WASF2: variants seen among roughly 807,000 people sequenced by gnomAD.
The protein encoded by WASF2 is WASP family member 2, also known as actin-binding protein WASF2.
Under a neutral mutation model 45.0 loss-of-function variants are expected in WASF2, and 14 were observed. That is an observed-to-expected ratio of 0.31 (90% CI 0.21 to 0.49). The LOEUF (loss-of-function observed/expected upper bound fraction) is 0.49. WASF2 is among the 20% of genes least tolerant of loss of function. WASF2 has a pLI of 0.99. For missense variants in WASF2, 439 were observed against 636.1 expected (o/e 0.69, Z 3.33); for synonymous variants, 200 against 236.3 (o/e 0.85, Z 1.41).
At chr1:27,441,528 C>T (rs955469657) in intron 1 of WASF2, among the ~76,000 whole-genome samples, 10 of 151,344 alleles carry the variant, frequency 6.6e-5, no homozygotes, top group African/African-American at 1.5e-4. Flanking sequence ...CCGAGGTGGG[C>T]GGATCACAAG....
rs1388576510 is a variant in WASF2 at position 27,406,332 on chromosome 1, G to T, written c.*1857C>A. ...TAAAGAGGGAAGAGGGCACACTTGG[G>T]AGTGGCCACAGCAAGACGGCATGCT... On this transcript the variant is annotated 3_prime_UTR_variant, in exon 9 of 9. Transcript: ENST00000618852. 6.6e-6 allele frequency: 1 copy of T among 152,492 alleles called. No homozygotes were observed. Among genetic ancestry groups the T allele is most frequent in the Non-Finnish European group, 1.5e-5 (1 of 68,108 alleles). 9.4% of individuals were successfully genotyped at this position (152,492 alleles called of 1,614,324 possible).
At chr1:27,460,827 C>T (rs2017533714) in intron 1 of WASF2, among the ~76,000 whole-genome samples, 2 of 152,186 alleles carry the variant, frequency 1.3e-5, no homozygotes, top group African/African-American at 4.8e-5. Context: ...TAAATATACT[C>T]TTCAGCTGTA....
intron 2 of WASF2, among the ~76,000 whole-genome samples, chr1:27,426,000 G>A (rs2016975484): frequency 6.6e-6 from 1 of 151,850 alleles, no homozygotes. Context: ...TAGGCAACAA[G>A]AGCAAAACTC....
intron 8 of WASF2, among the ~76,000 whole-genome samples, chr1:27,409,163 G>T (rs140119009): frequency 0.017 from 2,642 of 152,114 alleles, 76 homozygotes; most frequent in African/African-American, 0.06. Context: ...GGTGGCTCAC[G>T]CCTGTAATCC....
At chr1:27,427,105 A>T (rs749321997) in intron 2 of WASF2, among the ~76,000 whole-genome samples, 1 of 152,160 alleles carries the variant, frequency 6.6e-6, no homozygotes, top group Non-Finnish European at 1.5e-5. Flanking sequence ...TCCCCTCAGC[A>T]GCTGGTACAT....
intron 2 of WASF2, among the ~76,000 whole-genome samples, chr1:27,422,295 C>T (rs2016918258): frequency 6.6e-6 from 1 of 152,136 alleles, no homozygotes; most frequent in Non-Finnish European, 1.5e-5. Flanking sequence ...TAGAACTATA[C>T]TGAGACATGG....
chr1:27,461,504 C>T (rs962770124), intron 1 of WASF2, among the ~76,000 whole-genome samples: 8 of 150,270 alleles, frequency 5.3e-5, no homozygotes, highest in African/African-American at 1.5e-4. Flanking sequence ...TCTGTCTCCC[C>T]GGCTGGAGTG....
chr1:27,417,135 A>G (rs1321037356), intron 4 of WASF2, among the ~76,000 whole-genome samples: 2 of 152,250 alleles, frequency 1.3e-5, no homozygotes, highest in African/African-American at 4.8e-5. Context: ...TATGCTAAAA[A>G]GAAAAATACC....
intron 1 of WASF2, among the ~76,000 whole-genome samples, chr1:27,469,196 C>G (rs531224635): frequency 9.4e-4 from 143 of 152,110 alleles, no homozygotes; most frequent in African/African-American, 3.0e-3. Flanking sequence ...TCAAAATGAT[C>G]TAAGGGGGAT....
chr1:27,430,742 A>ATCC lies in WASF2; in HGVS notation c.-43-1812_-43-1810dup, dbSNP rs1217593675. ...CATTCTTGACCGCCTTGCTCAAATG[A>ATCC]TCCTCCTACCTTAGCTTTCCGAATA... On this transcript the variant is annotated intron_variant, in intron 1 of 8. Coordinates refer to ENST00000618852, the MANE Select transcript of WASF2 (RefSeq NM_006990.5). Among the ~76,000 whole-genome samples, 6 of 151,730 alleles carry ATCC rather than the reference A, an allele frequency of 4.0e-5. No individual in the cohort carries two copies. In the East Asian group the frequency reaches 1.2e-3, roughly 29 times the overall value.
chr1:27,448,422 T>C (rs1231904511), intron 1 of WASF2, among the ~76,000 whole-genome samples: 1 of 152,062 alleles, frequency 6.6e-6, no homozygotes, highest in Non-Finnish European at 1.5e-5. Context: ...TTGGGTATCA[T>C]AAAAAGAACA....
At chr1:27,440,477 A>C (rs2017207337) in intron 1 of WASF2, among the ~76,000 whole-genome samples, 1 of 152,058 alleles carries the variant, frequency 6.6e-6, no homozygotes, top group Non-Finnish European at 1.5e-5. Flanking sequence ...AGCAGTGATC[A>C]CACCACTGCA....
chr1:27,452,297 G>A (rs1428856774), intron 1 of WASF2, among the ~76,000 whole-genome samples: 1 of 152,076 alleles, frequency 6.6e-6, no homozygotes, highest in South Asian at 2.1e-4. Flanking sequence ...GGTGGATCAC[G>A]AGGTCAAAAG....
intron 1 of WASF2, among the ~76,000 whole-genome samples, chr1:27,475,069 G>C (rs1199841149): frequency 6.6e-6 from 1 of 152,018 alleles, no homozygotes; most frequent in Non-Finnish European, 1.5e-5. Context: ...GAGGCCAGGG[G>C]TTCAAGACCA....
chr1:27,454,153 GTATATA>G lies in WASF2; in HGVS notation c.-43-25226_-43-25221del, dbSNP rs869245464. Among the ~76,000 whole-genome samples, 703 of 98,348 alleles carry G rather than the reference GTATATA, an allele frequency of 7.1e-3. 5 individuals are homozygous for G. The highest frequency in any genetic ancestry group is 0.011 in the Non-Finnish European group (571 of 52,978). 64.5% of individuals were successfully genotyped at this position (98,348 alleles called of 152,430 possible). ...TATATATATGTGTGTGTGTGTGTGT[GTATATA>G]TATATATATATATATATATATATAT... On this transcript the variant is annotated intron_variant, in intron 1 of 8. Coordinates refer to ENST00000618852, the MANE Select transcript of WASF2 (RefSeq NM_006990.5).
chr1:27,415,874 C>A, intron 5 of WASF2, 111 bp downstream of exon 5: 1 of 874,718 alleles, frequency 1.1e-6, no homozygotes, highest in Non-Finnish European at 1.8e-6. Context: ...CACCTGGCAT[C>A]CAAGCAAGCA....
chr1:27,425,965 G>A (rs556792715), intron 2 of WASF2, among the ~76,000 whole-genome samples: 8 of 151,814 alleles, frequency 5.3e-5, no homozygotes, highest in African/African-American at 1.9e-4. Flanking sequence ...GGAGGGACCC[G>A]AGATCTCGCC....
At chr1:27,440,745 A>G (rs2017213234) in intron 1 of WASF2, among the ~76,000 whole-genome samples, 1 of 152,110 alleles carries the variant, frequency 6.6e-6, no homozygotes, top group African/African-American at 2.4e-5. Flanking sequence ...AAATCTCTCT[A>G]ACACTAAAAT....
At position 27,454,135 on chromosome 1, in the gene WASF2, ATGTGTG is replaced by A. The variant is rs376322285; in HGVS notation, c.-43-25208_-43-25203del. 7.9e-3 allele frequency among the ~76,000 whole-genome samples: 299 copies of A among 37,918 alleles called. 4 individuals are homozygous for A. Among genetic ancestry groups the A allele is most frequent in the Middle Eastern group, 0.056 (3 of 54 alleles). The allele number at this position is 37,918 out of a possible 152,430, so 24.9% of individuals were successfully genotyped here. On this transcript the variant is annotated intron_variant, in intron 1 of 8. Transcript: ENST00000618852. The stretch of plus-strand genomic sequence containing the variant: ...TGTATATATATGTGTGTATATATAT[ATGTGTG>A]TGTGTGTGTGTGTATATATATATAT...
Sources: gnomAD v4.1 joint callset for allele counts (sites outside exome capture counted in the v4.1 genomes callset) on GRCh38, gnomAD v4.1.1 for gene constraint, MANE v1.5 for transcripts, NCBI Gene and HGNC (gene_info 2026-07-23, HGNC 2026-07-21) for gene names.